The following SLC4A10 variants were observed in gnomAD, a reference collection of about 807,000 sequenced individuals.
SLC4A10 encodes the protein solute carrier family 4 member 10.
In SLC4A10, 42 loss-of-function variants were observed where a neutral mutation model predicts 137.7. The ratio of observed to expected loss-of-function variants is 0.30; its 90% CI spans 0.24 to 0.39. SLC4A10 has a LOEUF of 0.39. SLC4A10 is among the 10% of genes least tolerant of loss of function. The probability of loss-of-function intolerance (pLI) is 1.00; values close to 1 mark genes in which losing one functional copy is unlikely to be tolerated. For missense variants in SLC4A10, 925 were observed against 1,355.0 expected (o/e 0.68, Z 4.98); for synonymous variants, 474 against 464.1 (o/e 1.02, Z -0.27).
At chr2:161,777,981 T>C (rs984493724) in intron 2 of SLC4A10, among the ~76,000 whole-genome samples, 2 of 151,964 alleles carry the variant, frequency 1.3e-5, no homozygotes, top group Non-Finnish European at 2.9e-5. Flanking sequence ...CTGCATTAGG[T>C]TTATACAGGA....
chr2:161,892,477 A>G (rs746612917), intron 10 of SLC4A10, among the ~76,000 whole-genome samples: 15 of 152,032 alleles, frequency 9.9e-5, no homozygotes, highest in Non-Finnish European at 1.5e-4. Context: ...ACATTTTCGT[A>G]TTATCCTAAG....
At chr2:161,672,737 T>C (rs2039872823) in intron 1 of SLC4A10, among the ~76,000 whole-genome samples, 1 of 152,176 alleles carries the variant, frequency 6.6e-6, no homozygotes, top group South Asian at 2.1e-4. Flanking sequence ...AAATAATTAA[T>C]CTAATTCTGA....
Position 161,882,375 on chromosome 2 carries a change from G to T in SLC4A10, c.1125G>T (p.Leu375=). The T allele has an allele frequency of 6.3e-7, 1 of 1,579,380 alleles. No homozygotes were observed. Among genetic ancestry groups the T allele is most frequent in the East Asian group, 2.3e-5 (1 of 43,436 alleles). The change falls in exon 10 of 27, where the codon CTG becomes CTT. Residue 375 remains leucine, a synonymous_variant. Transcript: ENST00000446997. ...ATTACAGATTTTTGTTCATTCTTCT[G>T]GGACCCCTGGGAAAGGGTCAACAGT... The part of the protein sequence containing the change: ...PIPTRFLFIL[L]GPLGKGQQYH...
chr2:161,853,726 G>C (rs2059952981), intron 4 of SLC4A10, among the ~76,000 whole-genome samples: 1 of 151,832 alleles, frequency 6.6e-6, no homozygotes, highest in South Asian at 2.1e-4. Context: ...TTAAATGTAA[G>C]TTTTTTCAAT....
At chr2:161,708,497 G>T (rs2043929511) in intron 1 of SLC4A10, among the ~76,000 whole-genome samples, 1 of 151,732 alleles carries the variant, frequency 6.6e-6, no homozygotes, top group African/African-American at 2.4e-5. Flanking sequence ...CTGTTTCGAT[G>T]ATGCAGAATT....
chr2:161,638,155 T>C (rs1294674892), intron 1 of SLC4A10, among the ~76,000 whole-genome samples: 1 of 152,198 alleles, frequency 6.6e-6, no homozygotes, highest in Non-Finnish European at 1.5e-5. Context: ...TTGTCTGTTT[T>C]TGCTTTTGTT....
chr2:161,901,755 C>T (rs1280663320), intron 12 of SLC4A10, among the ~76,000 whole-genome samples: 1 of 152,052 alleles, frequency 6.6e-6, no homozygotes. Context: ...CATTTTAATT[C>T]TGTGTTCTTT....
At position 161,834,599 on chromosome 2, in the gene SLC4A10, C is replaced by G. The variant is rs192859668; in HGVS notation, c.278-5190C>G. The stretch of plus-strand genomic sequence containing the variant: ...ATGTCTCTGCCTGCATTTTGATCAT[C>G]ATTGCTTTTAACCTTGAGGAGAAGT... On this transcript the variant is annotated intron_variant, in intron 3 of 26. Coordinates refer to ENST00000446997, the MANE Select transcript of SLC4A10 (RefSeq NM_001178015.2). Among the ~76,000 whole-genome samples the G allele has an allele frequency of 4.1e-3, 618 of 151,304 alleles. 3 individuals are homozygous for G. The highest frequency in any genetic ancestry group is 9.0e-3 in the South Asian group (43 of 4,774).
rs551819040 is a variant in SLC4A10, at chr2:161,833,177, G to A, written c.278-6612G>A. Among the ~76,000 whole-genome samples, 5 of 152,322 alleles carry A rather than the reference G, an allele frequency of 3.3e-5. No homozygotes were observed. In the East Asian group the frequency reaches 7.7e-4, roughly 23 times the overall value. On this transcript the variant is annotated intron_variant, in intron 3 of 26. Transcript: ENST00000446997. ...CTGATTTTCTTGGAAAATGAGTGAGGTGGGTCATGGAATGTTGGTAATAGA... is the reference window on the plus strand; with the variant it reads ...CTGATTTTCTTGGAAAATGAGTGAGATGGGTCATGGAATGTTGGTAATAGA...
At chr2:161,774,760 T>C (rs922513880) in intron 2 of SLC4A10, among the ~76,000 whole-genome samples, 3 of 151,894 alleles carry the variant, frequency 2.0e-5, no homozygotes, top group Non-Finnish European at 2.9e-5. Context: ...AATTGCACCA[T>C]AATTTCAAGC....
At chr2:161,689,183 G>T (rs1048085188) in intron 1 of SLC4A10, among the ~76,000 whole-genome samples, 1 of 152,064 alleles carries the variant, frequency 6.6e-6, no homozygotes, top group African/African-American at 2.4e-5. Flanking sequence ...GAAAGAAAGA[G>T]TTTTAAAAAT....
At chr2:161,764,735 G>T (rs79011334) in intron 1 of SLC4A10, among the ~76,000 whole-genome samples, 4 of 151,988 alleles carry the variant, frequency 2.6e-5, no homozygotes, top group African/African-American at 9.7e-5. Context: ...AATGAAATGC[G>T]GTGGCCCATA....
chr2:161,747,706 C>T (rs770280385), intron 1 of SLC4A10, among the ~76,000 whole-genome samples: 1 of 152,088 alleles, frequency 6.6e-6, no homozygotes, highest in Non-Finnish European at 1.5e-5. Flanking sequence ...TATCACAAAA[C>T]ACTTAAGTTG....
At chr2:161,883,299 G>T (rs2061957452) in intron 10 of SLC4A10, among the ~76,000 whole-genome samples, 1 of 152,030 alleles carries the variant, frequency 6.6e-6, no homozygotes, top group Admixed American at 6.6e-5. Context: ...GCAGATATTT[G>T]AAAATTCTGT....
At chr2:161,982,514 GAGAGGGTGAGATTAAAC>G (rs1327558639) in intron 26 of SLC4A10, among the ~76,000 whole-genome samples, 2 of 152,290 alleles carry the variant, frequency 1.3e-5, no homozygotes, top group Admixed American at 6.5e-5. Flanking sequence ...TAAAGTTAAT[GAGAGGGTGAGATTAAAC>G]AGAGGGTGAG....
chr2:161,884,343 T>C (rs1254037770), intron 10 of SLC4A10, among the ~76,000 whole-genome samples: 3 of 152,184 alleles, frequency 2.0e-5, no homozygotes, highest in African/African-American at 7.2e-5. Context: ...GAAGTACATG[T>C]ATATCAATGT....
chr2:161,931,560 C>G (rs938795769), intron 15 of SLC4A10: 3 of 152,068 alleles, frequency 2.0e-5, no homozygotes, highest in African/African-American at 4.8e-5. Context: ...TAAGTAGTGA[C>G]TAATTTTCTT....
chr2:161,625,738 G>A (rs1199442766), intron 1 of SLC4A10, among the ~76,000 whole-genome samples: 2 of 152,030 alleles, frequency 1.3e-5, no homozygotes, highest in Admixed American at 6.6e-5. Flanking sequence ...TTGCATCCCC[G>A]GAATCAACTG....
chr2:161,847,340 T>C (rs1216092861), intron 4 of SLC4A10, among the ~76,000 whole-genome samples: 3 of 151,870 alleles, frequency 2.0e-5, no homozygotes, highest in Non-Finnish European at 4.4e-5. Context: ...AGTATTCTTT[T>C]TTTTTTTCTT....
Sources: gnomAD v4.1 joint callset for allele counts (sites outside exome capture counted in the v4.1 genomes callset) on GRCh38, gnomAD v4.1.1 for gene constraint, MANE v1.5 for transcripts, NCBI Gene and HGNC (gene_info 2026-07-23, HGNC 2026-07-21) for gene names.